The following FOXN3 variants were observed in gnomAD, a reference collection of about 807,000 sequenced individuals.
The protein encoded by FOXN3 is forkhead box protein N3.
In FOXN3, 7 loss-of-function variants were observed where a neutral mutation model predicts 38.4. The observed-to-expected ratio is 0.18, with a 90% CI of 0.10 to 0.34. The LOEUF is 0.34. FOXN3 is among the 10% of genes least tolerant of loss of function. FOXN3 has a pLI of 1.00. For synonymous variants in FOXN3, 230 were observed against 242.2 expected, an observed-to-expected ratio of 0.95 and a Z score of 0.47; for missense variants, 456 against 613.4, an observed-to-expected ratio of 0.74 and a Z score of 2.71.
At chr14:89,383,923 G>A (rs989189741) in intron 2 of FOXN3, among the ~76,000 whole-genome samples, 2 of 151,470 alleles carry the variant, frequency 1.3e-5, no homozygotes, top group Non-Finnish European at 2.9e-5. Flanking sequence ...CCGAGTAGCT[G>A]GAATTACAGG....
In FOXN3 at chr14:89,161,346, T is replaced by G. The variant is rs1887092838; in HGVS notation, c.*1068A>C. 1 of 151,704 alleles carries G rather than the reference T, an allele frequency of 6.6e-6. No homozygotes were observed. The highest frequency in any genetic ancestry group is 1.5e-5 in the Non-Finnish European group (1 of 67,894). 9.4% of individuals were successfully genotyped at this position (151,704 alleles called of 1,614,324 possible). ...ATCAGTGTACCTTTAATCTTAAAAA[T>G]ACACCACAATACTAATGGCAGGTTC... On this transcript the variant is annotated 3_prime_UTR_variant, in exon 6 of 6. Transcript: ENST00000557258.
chr14:89,555,882 G>GTGTGTGTGTGTGTGTGTGTGTGTGTGT (rs58769284), intron 1 of FOXN3, among the ~76,000 whole-genome samples: 1 of 104,602 alleles, frequency 9.6e-6, no homozygotes, highest in Admixed American at 1.1e-4. Flanking sequence ...TGTGTATGTG[G>GTGTGTGTGTGTGTGTGTGTGTGTGTGT]GGGTGTATGT....
chr14:89,531,885 C>A, intron 1 of FOXN3, among the ~76,000 whole-genome samples: 1 of 152,200 alleles, frequency 6.6e-6, no homozygotes, highest in Non-Finnish European at 1.5e-5. Context: ...TCTCAGCTCA[C>A]CGCAACCTCC....
intron 4 of FOXN3, among the ~76,000 whole-genome samples, chr14:89,271,646 T>C (rs1192922425): frequency 1.3e-5 from 2 of 152,190 alleles, no homozygotes; most frequent in Non-Finnish European, 2.9e-5. Context: ...AATGACTAAT[T>C]TTAGGATTTC....
intron 5 of FOXN3, among the ~76,000 whole-genome samples, chr14:89,168,121 A>G (rs904499861): frequency 6.6e-6 from 1 of 152,256 alleles, no homozygotes; most frequent in Non-Finnish European, 1.5e-5. Context: ...AACATTAAAC[A>G]CAATGGGAAT....
Position 89,162,739 on chromosome 14 carries a change from C to T in FOXN3, c.1082G>A (p.Ser361Asn). The change falls in exon 6 of 6, where the codon AGC (serine) becomes AAC (asparagine). Residue 361 changes from serine to asparagine, a missense_variant. Coordinates refer to ENST00000557258, the MANE Select transcript of FOXN3 (RefSeq NM_005197.4). The surrounding 1 kb of genome is among the most constrained non-coding windows in gnomAD (Gnocchi z 7.2). The stretch of plus-strand genomic sequence containing the variant: ...GCTGGGGCTCTCGTGGCTCCGGAAG[C>T]TCCCCTCGCTGCCCTCGCTGCCCTC... Reference protein sequence around the residue: ...SQEGSEGSEGSFRSHESPSDT... With the variant: ...SQEGSEGSEGNFRSHESPSDT... The T allele has an allele frequency of 6.2e-7, 1 of 1,613,658 alleles. No individual in the cohort carries two copies. The highest frequency in any genetic ancestry group is 8.5e-7 in the Non-Finnish European group (1 of 1,179,736).
intron 4 of FOXN3, among the ~76,000 whole-genome samples, chr14:89,262,739 AT>A (rs3834528): frequency 1.4e-4 from 21 of 151,752 alleles, no homozygotes; most frequent in African/African-American, 4.1e-4. Flanking sequence ...AATGATGCTA[AT>A]TTTTTTTTAT....
intron 2 of FOXN3, among the ~76,000 whole-genome samples, chr14:89,365,546 A>C (rs1890114582): frequency 6.6e-6 from 1 of 152,228 alleles, no homozygotes; most frequent in Non-Finnish European, 1.5e-5. Flanking sequence ...GTTTTATCCA[A>C]CTAAATCTTA....
In FOXN3 at chr14:89,603,580, A is replaced by C. The variant is rs1329342304; in HGVS notation, c.-15+15448T>G. Among the ~76,000 whole-genome samples, 5 of 152,326 alleles carry C rather than the reference A, an allele frequency of 3.3e-5. No homozygotes were observed. The East Asian group carries it at 7.7e-4, about 23-fold the overall frequency. ...ATATATTAATATTATTAAAGAAGGAACACAAAGAGAAAGCAGGATGTAAGT... is the reference window on the plus strand; with the variant it reads ...ATATATTAATATTATTAAAGAAGGACCACAAAGAGAAAGCAGGATGTAAGT... On this transcript the variant is annotated intron_variant, in intron 1 of 6. Coordinates refer to the FOXN3 transcript ENST00000345097.
At chr14:89,419,673 C>G (rs1012789206), upstream of FOXN3, 2 of 153,702 alleles carry the variant, frequency 1.3e-5, no homozygotes, top group Non-Finnish European at 2.9e-5. Context: ...CCAGGCTTAT[C>G]TGCCCCCATC....
chr14:89,508,236 T>C (rs543204021), intron 1 of FOXN3, among the ~76,000 whole-genome samples: 1 of 152,294 alleles, frequency 6.6e-6, no homozygotes, highest in South Asian at 2.1e-4. Context: ...GAATTTGGCC[T>C]ATAGGTGAAT....
chr14:89,214,088 C>T (rs1884187344), intron 4 of FOXN3, among the ~76,000 whole-genome samples: 2 of 152,220 alleles, frequency 1.3e-5, no homozygotes, highest in Admixed American at 6.5e-5. Flanking sequence ...ACAAATAATT[C>T]AGTGTGCCTT....
intron 1 of FOXN3, among the ~76,000 whole-genome samples, chr14:89,537,179 C>T (rs981787356): frequency 4.6e-5 from 7 of 152,196 alleles, no homozygotes. Context: ...GGGACAATGT[C>T]CTATTCATCT....
At chr14:89,461,108 C>T (rs998720502) in intron 1 of FOXN3, among the ~76,000 whole-genome samples, 1 of 151,748 alleles carries the variant, frequency 6.6e-6, no homozygotes, top group Non-Finnish European at 1.5e-5. Context: ...CCGAGGCAGG[C>T]GGATCACGAG....
intron 1 of FOXN3, among the ~76,000 whole-genome samples, chr14:89,606,615 C>T (rs185507579): frequency 2.0e-5 from 3 of 152,186 alleles, no homozygotes; most frequent in Non-Finnish European, 4.4e-5. Flanking sequence ...TTTGGGAGTC[C>T]GAGGTAGGCG....
At chr14:89,204,069 AC>A (rs1414917514) in intron 4 of FOXN3, among the ~76,000 whole-genome samples, 2 of 128,788 alleles carry the variant, frequency 1.6e-5, no homozygotes, top group African/African-American at 7.6e-5. Context: ...ACACACACAC[AC>A]ACACACACAC....
chr14:89,290,288 A>G, intron 3 of FOXN3: 1 of 331,782 alleles, frequency 3.0e-6, no homozygotes. Flanking sequence ...ACGAATAAGT[A>G]TATTCATTTT....
At chr14:89,583,642 C>T (rs987782609) in intron 1 of FOXN3, among the ~76,000 whole-genome samples, 1 of 152,188 alleles carries the variant, frequency 6.6e-6, no homozygotes, top group Admixed American at 6.5e-5. Flanking sequence ...CTCACTACAA[C>T]CTCTGCCTCC....
At chr14:89,442,141 G>C (rs968952532) in intron 1 of FOXN3, among the ~76,000 whole-genome samples, 1 of 152,142 alleles carries the variant, frequency 6.6e-6, no homozygotes, top group Non-Finnish European at 1.5e-5. Flanking sequence ...GGTCAGGCTG[G>C]TCTCGAACTC....
Sources: allele counts gnomAD v4.1 joint callset (sites outside exome capture counted in the v4.1 genomes callset), GRCh38; gene constraint gnomAD v4.1.1; non-coding constraint Gnocchi (gnomAD v3.1); transcripts MANE v1.5; gene names NCBI Gene and HGNC (gene_info 2026-07-23, HGNC 2026-07-21).